Variants in TBCEL observed in about 807,000 individuals in gnomAD.
TBCEL encodes tubulin-specific chaperone cofactor E-like protein.
TBCEL carries 15 observed loss-of-function variants against 44.2 expected under a neutral mutation model. That is an observed-to-expected ratio of 0.34 (90% confidence interval 0.23 to 0.52). The LOEUF is 0.52. TBCEL is among the 20% of genes least tolerant of loss of function. The pLI is 0.95. For synonymous variants in TBCEL, 171 were observed against 185.4 expected (o/e 0.92, Z 0.63); for missense variants, 319 against 506.3 (o/e 0.63, Z 3.55).
rs745684372 is a variant in TBCEL at position 121,055,204 on chromosome 11, A to T, written c.608A>T (p.Asp203Val). The T allele has an allele frequency of 6.2e-6, 10 of 1,612,242 alleles. No homozygotes were observed. The Admixed American group carries it at 8.4e-5, about 13-fold the overall frequency. Residue 203 changes from aspartate to valine, a missense_variant, in exon 6 of 9, where the codon GAT becomes GTT. Transcript: ENST00000683345. ...RKLGVMFPSL[D>V]TLVLANNHLN... ...TTAGGAGTTATGTTTCCTTCACTGG[A>T]TACCCTCGTCCTGGCCAACAATCAT... is the stretch of plus-strand genomic sequence containing the variant.
intron 8 of TBCEL, among the ~76,000 whole-genome samples, chr11:121,064,521 G>A (rs966446297): frequency 2.0e-5 from 3 of 152,158 alleles, no homozygotes; most frequent in African/African-American, 7.2e-5. Context: ...TTTACTTACT[G>A]TTCTGGCCTT....
At chr11:121,050,320 G>A (rs752088186) in intron 4 of TBCEL, among the ~76,000 whole-genome samples, 10 of 151,652 alleles carry the variant, frequency 6.6e-5, no homozygotes, top group Non-Finnish European at 1.2e-4. Flanking sequence ...GTATTGATAG[G>A]GCAATGTGGA....
At chr11:121,049,756 G>A (rs2134933288) in intron 4 of TBCEL, among the ~76,000 whole-genome samples, 1 of 151,810 alleles carries the variant, frequency 6.6e-6, no homozygotes, top group African/African-American at 2.4e-5. Flanking sequence ...TAATTGGTGG[G>A]AACAGTTTAA....
rs776067976 is a variant in TBCEL, at chr11:121,060,054, G to A, written c.925G>A (p.Val309Met). ...TGAGAGATTTTTTATTCGTTACTAT[G>A]TGGATGTTCCACAGGAAGAAGTGCC... ...DSERFFIRYY[V>M]DVPQEEVPFR... Residue 309 changes from valine to methionine, a missense_variant, in exon 8 of 9, where the codon GTG becomes ATG. Physicochemically the swap from Val to Met is conservative, Grantham distance 21 (BLOSUM62 1). Coordinates refer to ENST00000683345, the MANE Select transcript of TBCEL (RefSeq NM_001363644.2). 6.2e-7 allele frequency: 1 copy of A among 1,611,612 alleles called. No individual in the cohort carries two copies. Among genetic ancestry groups the A allele is most frequent in the Admixed American group, 1.7e-5 (1 of 59,848 alleles).
intron 1 of TBCEL, among the ~76,000 whole-genome samples, chr11:121,030,394 T>G (rs1334563429): frequency 1.3e-5 from 2 of 152,202 alleles, no homozygotes; most frequent in African/African-American, 4.8e-5. Context: ...ATGATTTGAC[T>G]TAAATTTTGA....
At chr11:121,044,749 C>T (rs866560806) in intron 2 of TBCEL, among the ~76,000 whole-genome samples, 16 of 152,036 alleles carry the variant, frequency 1.1e-4, no homozygotes, top group East Asian at 7.7e-4. Flanking sequence ...CAGTACTCAT[C>T]GTCTCAGATG....
At chr11:121,028,458 T>A (rs1945084421) in intron 1 of TBCEL, among the ~76,000 whole-genome samples, 1 of 152,234 alleles carries the variant, frequency 6.6e-6, no homozygotes, top group Non-Finnish European at 1.5e-5. Flanking sequence ...CAAACTGGTT[T>A]AATTTTAGGG....
chr11:121,059,203 G>A (rs1219178363), intron 7 of TBCEL, among the ~76,000 whole-genome samples: 1 of 151,942 alleles, frequency 6.6e-6, no homozygotes, highest in African/African-American at 2.4e-5. Flanking sequence ...CTAATGCTTA[G>A]CAGATCCTTA....
intron 6 of TBCEL, among the ~76,000 whole-genome samples, chr11:121,055,963 C>T (rs1945612932): frequency 6.9e-6 from 1 of 144,242 alleles, no homozygotes; most frequent in Non-Finnish European, 1.5e-5. Context: ...TGTACCATTT[C>T]AGTCAATGAA....
chr11:121,038,390 A>G (rs1945272527), intron 2 of TBCEL, among the ~76,000 whole-genome samples: 1 of 152,198 alleles, frequency 6.6e-6, no homozygotes, highest in South Asian at 2.1e-4. Flanking sequence ...TCCAGAATAA[A>G]TCAGTCTTTT....
intron 1 of TBCEL, among the ~76,000 whole-genome samples, chr11:121,033,829 C>G (rs559815075): frequency 1.3e-5 from 2 of 151,618 alleles, no homozygotes; most frequent in South Asian, 4.1e-4. Context: ...CCCTCTGGCT[C>G]CTGACAATCA....
intron 4 of TBCEL, 179 bp downstream of exon 4, chr11:121,047,846 C>G: frequency 1.3e-6 from 1 of 753,540 alleles, no homozygotes; most frequent in Non-Finnish European, 2.0e-6. Context: ...CCTATAATCC[C>G]AGTGCTAAGG....
At chr11:121,057,556 T>A (rs768355548) in intron 6 of TBCEL, 2 of 453,824 alleles carry the variant, frequency 4.4e-6, no homozygotes, top group Non-Finnish European at 8.8e-6. Context: ...CCCTCCATAT[T>A]CATGGACTTC....
At chr11:121,048,675 G>A (rs1308268634) in intron 4 of TBCEL, among the ~76,000 whole-genome samples, 1 of 151,806 alleles carries the variant, frequency 6.6e-6, no homozygotes, top group African/African-American at 2.4e-5. Context: ...CCTGCATAAA[G>A]GCCTACAGTT....
intron 1 of TBCEL, among the ~76,000 whole-genome samples, chr11:121,031,766 G>A (rs1353972681): frequency 6.8e-6 from 1 of 147,100 alleles, no homozygotes; most frequent in East Asian, 2.0e-4. Context: ...CTGGGCCCAA[G>A]TGATCCTCCC....
chr11:121,039,400 T>C (rs1945292022), intron 2 of TBCEL, among the ~76,000 whole-genome samples: 1 of 152,252 alleles, frequency 6.6e-6, no homozygotes, highest in African/African-American at 2.4e-5. Flanking sequence ...ATATGTGTTA[T>C]CTCATGTATT....
At chr11:121,062,617 G>C (rs181144090) in intron 8 of TBCEL, among the ~76,000 whole-genome samples, 38 of 152,196 alleles carry the variant, frequency 2.5e-4, no homozygotes, top group Non-Finnish European at 3.5e-4. Flanking sequence ...GTCCCTGATG[G>C]TATAATTATC....
In TBCEL at chr11:121,060,465, C is replaced by T. The variant is rs114823468; in HGVS notation, c.956+380C>T. On this transcript the variant is annotated intron_variant, in intron 8 of 8. Coordinates refer to ENST00000683345, the MANE Select transcript of TBCEL (RefSeq NM_001363644.2). ...TACTTTTAGGATATACTAAGTTCTC[C>T]GGTTAGGAAGATTTGGCAAATGTGC... Among the ~76,000 whole-genome samples the T allele has an allele frequency of 4.3e-3, 656 of 151,656 alleles. 4 individuals carry two copies. Among genetic ancestry groups the T allele is most frequent in the African/African-American group, 0.015 (605 of 41,366 alleles).
At chr11:121,077,852 C>G (rs1272353313) in intron 8 of TBCEL, among the ~76,000 whole-genome samples, 1 of 152,012 alleles carries the variant, frequency 6.6e-6, no homozygotes, top group Non-Finnish European at 1.5e-5. Context: ...GTGACTTCCT[C>G]TTTGACTCAT....
Sources: gnomAD v4.1 joint callset for allele counts (sites outside exome capture counted in the v4.1 genomes callset) on GRCh38, gnomAD v4.1.1 for gene constraint, MANE v1.5 for transcripts, NCBI Gene and HGNC (gene_info 2026-07-23, HGNC 2026-07-21) for gene names.